SMYD3: variants seen among roughly 807,000 people sequenced by gnomAD.
SMYD3 encodes the protein histone-lysine N-methyltransferase SMYD3.
Under a neutral mutation model 57.7 loss-of-function variants are expected in SMYD3, and 36 were observed. The ratio of observed to expected loss-of-function variants is 0.62; its 90% CI spans 0.48 to 0.82. The LOEUF is 0.82. Among genes scored for constraint, SMYD3 ranks in the 40% least tolerant of loss-of-function variants. SMYD3 has a pLI of 0.00. For synonymous variants in SMYD3, 211 were observed against 195.0 expected (o/e 1.08, Z -0.68); for missense variants, 515 against 538.8 (o/e 0.96, Z 0.44).
chr1:245,960,985 T>A (rs2057990950), intron 5 of SMYD3, among the ~76,000 whole-genome samples: 1 of 151,740 alleles, frequency 6.6e-6, no homozygotes, highest in South Asian at 2.1e-4. Context: ...TGGCAACATT[T>A]AAAAAAAAAT....
At chr1:246,485,943 G>A in intron 1 of SMYD3, among the ~76,000 whole-genome samples, 1 of 152,156 alleles carries the variant, frequency 6.6e-6, no homozygotes, top group Non-Finnish European at 1.5e-5. Flanking sequence ...GATTTTGCAA[G>A]ACTAAATGAG....
chr1:246,242,861 T>G (rs2063637939), intron 5 of SMYD3, among the ~76,000 whole-genome samples: 1 of 152,064 alleles, frequency 6.6e-6, no homozygotes, highest in African/African-American at 2.4e-5. Flanking sequence ...AGAAGGCCAT[T>G]ACATAATGGT....
At chr1:246,333,344 G>A (rs115495584) in intron 3 of SMYD3, among the ~76,000 whole-genome samples, 6,233 of 152,170 alleles carry the variant, frequency 0.041, 421 homozygotes, top group African/African-American at 0.14. Context: ...ATCAGTCTTG[G>A]CAAAGAATTT....
chr1:246,118,038 A>T (rs1331900590), intron 5 of SMYD3, among the ~76,000 whole-genome samples: 2 of 152,198 alleles, frequency 1.3e-5, no homozygotes, highest in Non-Finnish European at 2.9e-5. Flanking sequence ...AAGGTAAGGG[A>T]CTACACAAAC....
At chr1:245,968,463 G>T (rs2058211875) in intron 5 of SMYD3, among the ~76,000 whole-genome samples, 1 of 152,048 alleles carries the variant, frequency 6.6e-6, no homozygotes, top group African/African-American at 2.4e-5. Flanking sequence ...AACAATAATG[G>T]TTAGAACTTT....
chr1:246,338,936 G>A (rs900685834), intron 2 of SMYD3, among the ~76,000 whole-genome samples: 2 of 152,174 alleles, frequency 1.3e-5, no homozygotes, highest in African/African-American at 4.8e-5. Context: ...TTCTGTGTCG[G>A]ACAGTTCTCC....
chr1:246,038,164 GT>G (rs938269334), intron 5 of SMYD3, among the ~76,000 whole-genome samples: 1 of 152,148 alleles, frequency 6.6e-6, no homozygotes, highest in Non-Finnish European at 1.5e-5. Flanking sequence ...TCCCAGTTTA[GT>G]TTTTTACTTG....
At chr1:246,036,384 T>C (rs2059771720) in intron 5 of SMYD3, among the ~76,000 whole-genome samples, 1 of 152,070 alleles carries the variant, frequency 6.6e-6, no homozygotes, top group African/African-American at 2.4e-5. Flanking sequence ...ACCCCCGCAG[T>C]CTCCTTCTCC....
At chr1:245,982,520 A>AG (rs2058619382) in intron 5 of SMYD3, among the ~76,000 whole-genome samples, 1 of 152,214 alleles carries the variant, frequency 6.6e-6, no homozygotes, top group Non-Finnish European at 1.5e-5. Flanking sequence ...TTGATCTAAT[A>AG]TAATAGTAAA....
intron 5 of SMYD3, among the ~76,000 whole-genome samples, chr1:246,101,086 T>G (rs867791697): frequency 2.1e-3 from 287 of 137,404 alleles, no homozygotes; most frequent in African/African-American, 7.5e-3. Context: ...TTTTTTTTTT[T>G]TTTTTTTTTT....
At chr1:246,412,858 C>CAA (rs35012889) in intron 1 of SMYD3, among the ~76,000 whole-genome samples, 148 of 120,234 alleles carry the variant, frequency 1.2e-3, no homozygotes, top group East Asian at 6.0e-3. Flanking sequence ...GACTCCGTCT[C>CAA]AAAAAAAAAA....
At chr1:246,248,136 A>G (rs10924617) in intron 5 of SMYD3, among the ~76,000 whole-genome samples, 31,577 of 152,128 alleles carry the variant, frequency 0.21, 4,000 homozygotes, top group East Asian at 0.58. Flanking sequence ...AGCCACTGAT[A>G]AGGTGTTTGG....
intron 11 of SMYD3, among the ~76,000 whole-genome samples, chr1:245,756,661 C>T (rs1029194303): frequency 6.6e-6 from 1 of 152,016 alleles, no homozygotes; most frequent in Non-Finnish European, 1.5e-5. Context: ...TTTGGGTTAA[C>T]AGTTCTTTTC....
intron 5 of SMYD3, among the ~76,000 whole-genome samples, chr1:246,120,709 C>A (rs1162623790): frequency 6.6e-6 from 1 of 152,130 alleles, no homozygotes; most frequent in African/African-American, 2.4e-5. Context: ...GGTCACAGGC[C>A]AGCCAAACTT....
intron 5 of SMYD3, among the ~76,000 whole-genome samples, chr1:246,177,776 T>C (rs1007070624): frequency 2.0e-5 from 3 of 152,154 alleles, no homozygotes; most frequent in Admixed American, 1.3e-4. Flanking sequence ...GGATAATGAT[T>C]AGTACATAGA....
At chr1:246,235,946 G>C (rs1002283108) in intron 5 of SMYD3, among the ~76,000 whole-genome samples, 1 of 151,984 alleles carries the variant, frequency 6.6e-6, no homozygotes, top group Non-Finnish European at 1.5e-5. Flanking sequence ...TACAATACTA[G>C]AAACAAGATA....
chr1:246,387,252 A>T (rs1383620599), intron 1 of SMYD3, among the ~76,000 whole-genome samples: 1 of 152,222 alleles, frequency 6.6e-6, no homozygotes, highest in Admixed American at 6.5e-5. Context: ...CTTCACACTT[A>T]ATATTTATAA....
intron 5 of SMYD3, among the ~76,000 whole-genome samples, chr1:246,101,423 G>A (rs1254625620): frequency 1.3e-5 from 2 of 152,054 alleles, no homozygotes; most frequent in African/African-American, 4.8e-5. Context: ...CAAAATGGCT[G>A]TTCCTTCAAT....
chr1:245,885,978 G>A (rs2053066930), intron 8 of SMYD3, among the ~76,000 whole-genome samples: 1 of 152,120 alleles, frequency 6.6e-6, no homozygotes, highest in Non-Finnish European at 1.5e-5. Context: ...TAATTAACAT[G>A]TTTTTATTTC....
Sources: allele counts gnomAD v4.1 joint callset (sites outside exome capture counted in the v4.1 genomes callset), GRCh38; gene constraint gnomAD v4.1.1; transcripts MANE v1.5; gene names NCBI Gene and HGNC (gene_info 2026-07-23, HGNC 2026-07-21).